Variants in OPCML observed in about 807,000 individuals in gnomAD.
The protein encoded by OPCML is opioid-binding protein/cell adhesion molecule.
In OPCML, 13 loss-of-function variants were observed where a neutral mutation model predicts 37.8. The ratio of observed to expected loss-of-function variants is 0.34; its 90% confidence interval spans 0.22 to 0.55. The LOEUF is 0.55. OPCML is among the 20% of genes least tolerant of loss of function. The pLI, the probability that OPCML is intolerant of heterozygous loss-of-function variation, is 0.91. For missense variants in OPCML, 341 were observed against 435.6 expected, an observed-to-expected ratio of 0.78 and a Z score of 1.93; for synonymous variants, 176 against 168.8, an observed-to-expected ratio of 1.04 and a Z score of -0.33.
intron 1 of OPCML, among the ~76,000 whole-genome samples, chr11:132,983,169 A>G (rs1946622022): frequency 6.6e-6 from 1 of 152,142 alleles, no homozygotes; most frequent in Non-Finnish European, 1.5e-5. Context: ...TCACCCCAGC[A>G]TCTCTCTACA....
At chr11:132,611,519 T>A (rs1938639352) in intron 3 of OPCML, among the ~76,000 whole-genome samples, 1 of 152,226 alleles carries the variant, frequency 6.6e-6, no homozygotes, top group Admixed American at 6.5e-5. Flanking sequence ...TTTTTTCTTT[T>A]CTCCTCAGAT....
At chr11:132,924,421 T>G (rs963867866) in intron 2 of OPCML, among the ~76,000 whole-genome samples, 1 of 152,178 alleles carries the variant, frequency 6.6e-6, no homozygotes, top group African/African-American at 2.4e-5. Context: ...GGAATACAGG[T>G]GTATACCACT....
At chr11:133,128,333 G>T (rs554527951) in intron 1 of OPCML, among the ~76,000 whole-genome samples, 2 of 152,324 alleles carry the variant, frequency 1.3e-5, no homozygotes, top group Non-Finnish European at 2.9e-5. Context: ...TGCAGAGTCA[G>T]TCTGAAGGAG....
At chr11:132,837,079 C>T (rs561839191) in intron 2 of OPCML, among the ~76,000 whole-genome samples, 1 of 152,222 alleles carries the variant, frequency 6.6e-6, no homozygotes, top group Non-Finnish European at 1.5e-5. Context: ...CTTTGAAAGG[C>T]CAAGTCGGGT....
At chr11:133,356,576 T>C (rs1190291921) in intron 1 of OPCML, among the ~76,000 whole-genome samples, 1 of 152,204 alleles carries the variant, frequency 6.6e-6, no homozygotes, top group African/African-American at 2.4e-5. Flanking sequence ...CTTGTTTAAC[T>C]TGAGCCAATT....
At chr11:133,390,736 G>A (rs1357725909) in intron 1 of OPCML, among the ~76,000 whole-genome samples, 1 of 152,182 alleles carries the variant, frequency 6.6e-6, no homozygotes, top group Admixed American at 6.5e-5. Flanking sequence ...ACTCAATGCA[G>A]TTTGGAAAAG....
chr11:132,748,621 G>C (rs1945726157), intron 2 of OPCML, among the ~76,000 whole-genome samples: 1 of 152,178 alleles, frequency 6.6e-6, no homozygotes. Context: ...AGGAAGGAGA[G>C]AGCGGTGCGA....
In OPCML at chr11:133,205,899, G is replaced by A. The variant is rs951554908; in HGVS notation, c.62-262889C>T. On this transcript the variant is annotated intron_variant, in intron 1 of 7. Transcript: ENST00000524381. This position sits in a 1 kb window ranked among gnomAD's most constrained non-coding sequence, Gnocchi z 4.8. ...TGTCAGAGTGCAATGGCAAAGTGGGGGCCAGGGTTCACAATCTGTCTCCAA... is the reference window on the plus strand; with the variant it reads ...TGTCAGAGTGCAATGGCAAAGTGGGAGCCAGGGTTCACAATCTGTCTCCAA... Among the ~76,000 whole-genome samples the A allele has an allele frequency of 6.6e-6, 1 of 152,092 alleles. No individual in the cohort carries two copies. Among genetic ancestry groups the A allele is most frequent in the African/African-American group, 2.4e-5 (1 of 41,424 alleles).
intron 1 of OPCML, among the ~76,000 whole-genome samples, chr11:133,249,592 A>G (rs1941060290): frequency 6.6e-6 from 1 of 152,168 alleles, no homozygotes; most frequent in South Asian, 2.1e-4. Context: ...CAGGGTTGAG[A>G]CACCAAGACA....
chr11:132,782,113 C>T (rs1591602086), intron 2 of OPCML, among the ~76,000 whole-genome samples: 1 of 152,008 alleles, frequency 6.6e-6, no homozygotes, highest in African/African-American at 2.4e-5. Flanking sequence ...TTTTATTTTT[C>T]CCTCAGAACA....
At chr11:132,643,542 C>T (rs1258495307) in intron 3 of OPCML, among the ~76,000 whole-genome samples, 1 of 152,220 alleles carries the variant, frequency 6.6e-6, no homozygotes, top group African/African-American at 2.4e-5. Context: ...CTGTCTCTTC[C>T]TTCTTTCTCT....
At chr11:133,409,749 G>C (rs1565619023) in intron 1 of OPCML, among the ~76,000 whole-genome samples, 1 of 152,100 alleles carries the variant, frequency 6.6e-6, no homozygotes, top group Non-Finnish European at 1.5e-5. Context: ...CAGTAATCAA[G>C]TGATAATCAC....
chr11:133,449,595 C>T (rs758014902), intron 1 of OPCML, among the ~76,000 whole-genome samples: 40 of 151,962 alleles, frequency 2.6e-4, no homozygotes, highest in Non-Finnish European at 5.4e-4. Flanking sequence ...TTGCCTCCCT[C>T]AGGTTCTGGT....
At chr11:132,835,608 C>T (rs1239449563) in intron 2 of OPCML, among the ~76,000 whole-genome samples, 1 of 152,164 alleles carries the variant, frequency 6.6e-6, no homozygotes, top group Non-Finnish European at 1.5e-5. Flanking sequence ...GTCTCTACCC[C>T]CAACTTACAA....
chr11:133,226,717 TAC>T (rs1674340486), intron 1 of OPCML, among the ~76,000 whole-genome samples: 1 of 152,160 alleles, frequency 6.6e-6, no homozygotes. Flanking sequence ...ATTTTTCTCT[TAC>T]AGAGGGAGCT....
chr11:133,384,420 G>T (rs1471269740), intron 1 of OPCML, among the ~76,000 whole-genome samples: 1 of 152,044 alleles, frequency 6.6e-6, no homozygotes, highest in East Asian at 1.9e-4. Flanking sequence ...GTGGCCTAAG[G>T]TTGATAGTAT....
intron 3 of OPCML, among the ~76,000 whole-genome samples, chr11:132,612,769 C>T (rs1005574653): frequency 2.0e-5 from 3 of 152,104 alleles, no homozygotes; most frequent in African/African-American, 7.2e-5. Flanking sequence ...CACTCACAGC[C>T]AGAGCAAACG....
intron 4 of OPCML, among the ~76,000 whole-genome samples, chr11:132,465,218 T>G (rs2096115955): frequency 1.3e-5 from 2 of 152,284 alleles, no homozygotes; most frequent in South Asian, 4.1e-4. Context: ...TTGGTCATAA[T>G]ACAAGAATTT....
intron 1 of OPCML, among the ~76,000 whole-genome samples, chr11:133,154,209 T>G (rs1044198894): frequency 3.8e-5 from 5 of 129,882 alleles, no homozygotes; most frequent in Non-Finnish European, 7.9e-5. Flanking sequence ...AATGTGCTCA[T>G]GCTTCTGATT....
Sources: allele counts gnomAD v4.1 joint callset (sites outside exome capture counted in the v4.1 genomes callset), GRCh38; gene constraint gnomAD v4.1.1; non-coding constraint Gnocchi (gnomAD v3.1); transcripts MANE v1.5; gene names NCBI Gene and HGNC (gene_info 2026-07-23, HGNC 2026-07-21).